STAC: variants seen among roughly 807,000 people sequenced by gnomAD.
STAC encodes SH3 and cysteine-rich domain-containing protein.
Under a neutral mutation model 48.8 loss-of-function variants are expected in STAC, and 43 were observed. The ratio of observed to expected loss-of-function variants is 0.88; its 90% CI spans 0.69 to 1.14. The LOEUF (loss-of-function observed/expected upper bound fraction) is 1.14, where lower values mean the gene tolerates loss of function less well. Ranked by LOEUF, STAC falls within the 50% of genes most tolerant of loss-of-function variation. The probability of loss-of-function intolerance (pLI) is 0.00; values close to 1 mark genes in which losing one functional copy is unlikely to be tolerated. For missense variants in STAC, 497 were observed against 504.0 expected, an observed-to-expected ratio of 0.99 and a Z score of 0.13; for synonymous variants, 193 against 179.5, an observed-to-expected ratio of 1.07 and a Z score of -0.60.
intron 1 of STAC, among the ~76,000 whole-genome samples, chr3:36,407,672 G>A (rs1462421720): frequency 6.6e-6 from 1 of 152,180 alleles, no homozygotes; most frequent in Non-Finnish European, 1.5e-5. Flanking sequence ...AAAGTTCAGT[G>A]GTTTAGCACA....
chr3:36,507,757 A>G (rs912647971), intron 8 of STAC, among the ~76,000 whole-genome samples: 4 of 152,018 alleles, frequency 2.6e-5, no homozygotes, highest in Non-Finnish European at 5.9e-5. Flanking sequence ...TGGGGTCAGC[A>G]GTGATATCCC....
intron 10 of STAC, among the ~76,000 whole-genome samples, chr3:36,530,580 CTTTTTTTTTTTTCT>C (rs1275538266): frequency 5.8e-5 from 6 of 102,704 alleles, no homozygotes; most frequent in African/African-American, 1.2e-4. Context: ...TTCACCTTTT[CTTTTTTTTTTTTCT>C]TTTTTTTTTT....
chr3:36,484,131 G>T (rs978041052), intron 3 of STAC, among the ~76,000 whole-genome samples: 1 of 152,114 alleles, frequency 6.6e-6, no homozygotes, highest in Non-Finnish European at 1.5e-5. Flanking sequence ...GTCCTTTGAG[G>T]CTCCTGGGGA....
intron 2 of STAC, among the ~76,000 whole-genome samples, chr3:36,479,232 G>T: frequency 6.6e-6 from 1 of 152,012 alleles, no homozygotes; most frequent in East Asian, 1.9e-4. Context: ...TAATAATTTG[G>T]CTGGGTATAA....
intron 8 of STAC, among the ~76,000 whole-genome samples, chr3:36,518,429 GA>G (rs1247332227): frequency 6.7e-6 from 1 of 149,514 alleles, no homozygotes; most frequent in Non-Finnish European, 1.5e-5. Flanking sequence ...AAAAAAGAAG[GA>G]AAAAAAAAGA....
intron 1 of STAC, among the ~76,000 whole-genome samples, chr3:36,407,149 C>G (rs895614046): frequency 1.3e-5 from 2 of 152,130 alleles, no homozygotes; most frequent in African/African-American, 4.8e-5. Context: ...GCCAGTAGGT[C>G]TATTCAAAAA....
At chr3:36,449,954 G>A (rs1200061618) in intron 2 of STAC, among the ~76,000 whole-genome samples, 1 of 152,166 alleles carries the variant, frequency 6.6e-6, no homozygotes, top group Non-Finnish European at 1.5e-5. Flanking sequence ...GTATTTTCTG[G>A]GCCCATTTTT....
chr3:36,398,368 A>AAAGAAAGAAAGAAAAGAAAAGAAAGAGAG, intron 1 of STAC, among the ~76,000 whole-genome samples: 1 of 102,978 alleles, frequency 9.7e-6, no homozygotes, highest in African/African-American at 3.8e-5. Context: ...AGAAAGAAAG[A>AAAGAAAGAAAGAAAAGAAAAGAAAGAGAG]AAAGAAAGAG....
chr3:36,443,405 T>C lies in STAC; in HGVS notation c.153T>C (p.Ser51=). 6.2e-7 allele frequency: 1 copy of C among 1,613,918 alleles called. No homozygotes were observed. Among genetic ancestry groups the C allele is most frequent in the South Asian group, 1.1e-5 (1 of 91,056 alleles). ...LKRSLSFKTK[S]LRSKSADNFF... ...GATCACTTTCTTTCAAGACCAAGAGTTTACGGAGCAAAAGTGCTGACAACT... is the reference window on the plus strand; with the variant it reads ...GATCACTTTCTTTCAAGACCAAGAGCTTACGGAGCAAAAGTGCTGACAACT... The change falls in exon 2 of 11, where the codon AGT becomes AGC. Residue 51 remains serine (S), a synonymous_variant. Coordinates refer to ENST00000273183, the MANE Select transcript of STAC (RefSeq NM_003149.3). This position sits in a 1 kb window ranked among gnomAD's most constrained non-coding sequence, Gnocchi z 4.2.
chr3:36,521,482 T>C (rs551527446), intron 8 of STAC, among the ~76,000 whole-genome samples: 2 of 152,206 alleles, frequency 1.3e-5, no homozygotes, highest in African/African-American at 4.8e-5. Context: ...ACCTGGGTAA[T>C]AGAATACTAG....
chr3:36,520,379 T>C (rs974530844), intron 8 of STAC, among the ~76,000 whole-genome samples: 1 of 152,174 alleles, frequency 6.6e-6, no homozygotes, highest in East Asian at 1.9e-4. Flanking sequence ...TATCCAAAGA[T>C]AGGCAGTGGG....
intron 2 of STAC, among the ~76,000 whole-genome samples, chr3:36,449,112 T>G (rs1393354869): frequency 4.6e-5 from 7 of 151,840 alleles, no homozygotes; most frequent in Non-Finnish European, 8.8e-5. Flanking sequence ...GAGTGAGACT[T>G]CATCTCTTAA....
intron 1 of STAC, among the ~76,000 whole-genome samples, chr3:36,424,766 A>C (rs139904872): frequency 2.8e-3 from 424 of 152,326 alleles, no homozygotes; most frequent in Admixed American, 5.2e-3. Context: ...GGAGCTCTGA[A>C]TGAGCAAACC....
At chr3:36,458,516 G>T (rs1209045618) in intron 2 of STAC, among the ~76,000 whole-genome samples, 1 of 152,158 alleles carries the variant, frequency 6.6e-6, no homozygotes, top group East Asian at 1.9e-4. Context: ...TCCCAGCGTG[G>T]TGTGACAAGA....
chr3:36,391,107 G>A (rs1297428486), intron 1 of STAC, among the ~76,000 whole-genome samples: 1 of 151,932 alleles, frequency 6.6e-6, no homozygotes, highest in Admixed American at 6.6e-5. Flanking sequence ...CTCTATTTCT[G>A]TGTAACACTG....
chr3:36,519,875 A>C (rs976622520), intron 8 of STAC, among the ~76,000 whole-genome samples: 1 of 152,208 alleles, frequency 6.6e-6, no homozygotes, highest in African/African-American at 2.4e-5. Context: ...AAATAGATGC[A>C]AAACCAGTCA....
intron 5 of STAC, among the ~76,000 whole-genome samples, chr3:36,487,637 G>A (rs971652907): frequency 2.0e-5 from 3 of 152,000 alleles, no homozygotes; most frequent in Non-Finnish European, 2.9e-5. Context: ...TGACAATGGT[G>A]GCATTGTTTA....
At chr3:36,401,593 G>A (rs972533902) in intron 1 of STAC, among the ~76,000 whole-genome samples, 1 of 152,098 alleles carries the variant, frequency 6.6e-6, no homozygotes, top group African/African-American at 2.4e-5. Context: ...TGCTGTCCTT[G>A]GGCACCTGGG....
At chr3:36,381,411 G>C (rs1699507148) in intron 1 of STAC, among the ~76,000 whole-genome samples, 1 of 152,206 alleles carries the variant, frequency 6.6e-6, no homozygotes, top group Admixed American at 6.5e-5. Context: ...TGAAACTCCC[G>C]TGGGTGCCAG....
Sources: allele counts gnomAD v4.1 joint callset (sites outside exome capture counted in the v4.1 genomes callset), GRCh38; gene constraint gnomAD v4.1.1; non-coding constraint Gnocchi (gnomAD v3.1); transcripts MANE v1.5; gene names NCBI Gene and HGNC (gene_info 2026-07-23, HGNC 2026-07-21).